Variants in ZFAND3 observed in about 807,000 individuals in gnomAD.
The protein encoded by ZFAND3 is AN1-type zinc finger protein 3.
Under a neutral mutation model 29.6 loss-of-function variants are expected in ZFAND3, and 10 were observed. The ratio of observed to expected loss-of-function variants is 0.34; its 90% CI spans 0.21 to 0.57. The LOEUF is 0.57. ZFAND3 is among the 20% of genes least tolerant of loss of function. The probability of loss-of-function intolerance (pLI) is 0.86; values close to 1 mark genes in which losing one functional copy is unlikely to be tolerated. For synonymous variants in ZFAND3, 128 were observed against 112.6 expected (o/e 1.14, Z -0.87); for missense variants, 230 against 304.5 (o/e 0.76, Z 1.82).
At chr6:38,078,037 C>A (rs950465536) in intron 3 of ZFAND3, among the ~76,000 whole-genome samples, 4 of 152,132 alleles carry the variant, frequency 2.6e-5, no homozygotes, top group Non-Finnish European at 4.4e-5. Context: ...TCTGTTTTTG[C>A]AGGTTACAGT....
intron 1 of ZFAND3, among the ~76,000 whole-genome samples, chr6:37,918,746 G>A (rs1167406453): frequency 6.6e-6 from 1 of 152,044 alleles, no homozygotes; most frequent in Non-Finnish European, 1.5e-5. Flanking sequence ...TTGGGAAAAA[G>A]TACTCTGAGC....
At chr6:37,929,120 G>A (rs983420562) in intron 1 of ZFAND3, among the ~76,000 whole-genome samples, 8 of 152,148 alleles carry the variant, frequency 5.3e-5, no homozygotes, top group Non-Finnish European at 1.2e-4. Flanking sequence ...TTTATATCCT[G>A]CTCAAGGTCA....
chr6:38,001,821 A>G (rs894235162), intron 2 of ZFAND3, among the ~76,000 whole-genome samples: 4 of 152,030 alleles, frequency 2.6e-5, no homozygotes, highest in African/African-American at 9.7e-5. Flanking sequence ...AGTAAAGGCA[A>G]CTCCTTTGTC....
At chr6:37,892,227 AAAC>A (rs1340061425) in intron 1 of ZFAND3, among the ~76,000 whole-genome samples, 1 of 152,228 alleles carries the variant, frequency 6.6e-6, no homozygotes, top group Non-Finnish European at 1.5e-5. Flanking sequence ...GCATACTCTT[AAAC>A]AATTAGCTGG....
chr6:37,846,510 G>A (rs1764179598), intron 1 of ZFAND3, among the ~76,000 whole-genome samples: 1 of 152,120 alleles, frequency 6.6e-6, no homozygotes, highest in African/African-American at 2.4e-5. Context: ...TATTTCTGTA[G>A]CACTATGTAG....
In ZFAND3 at chr6:37,859,285, A is replaced by G. The variant is rs560583023; in HGVS notation, c.71+39269A>G. ...GAAAATTTATGTTTAGATTCTATCC[A>G]TCTCATTGATTCTTTCTATTAAAGA... On this transcript the variant is annotated intron_variant, in intron 1 of 5. Coordinates refer to ENST00000287218, the MANE Select transcript of ZFAND3 (RefSeq NM_021943.3). Among the ~76,000 whole-genome samples, 3 of 152,312 alleles carry G rather than the reference A, an allele frequency of 2.0e-5. No homozygotes were observed. The South Asian group carries it at 6.2e-4, about 32-fold the overall frequency.
intron 1 of ZFAND3, among the ~76,000 whole-genome samples, chr6:37,829,703 A>T (rs1763824746): frequency 6.6e-6 from 1 of 152,178 alleles, no homozygotes; most frequent in African/African-American, 2.4e-5. Flanking sequence ...GTCACTGTTA[A>T]CTAGCTCACC....
intron 2 of ZFAND3, among the ~76,000 whole-genome samples, chr6:38,020,091 C>T (rs1176096006): frequency 6.6e-6 from 1 of 152,178 alleles, no homozygotes. Flanking sequence ...ATGGCATAGA[C>T]TGTAGATCCA....
chr6:37,952,820 G>T (rs1699507290), intron 2 of ZFAND3, among the ~76,000 whole-genome samples: 1 of 151,434 alleles, frequency 6.6e-6, no homozygotes, highest in South Asian at 2.1e-4. Flanking sequence ...TTCTCCTCTA[G>T]CCCAGAGTCT....
At chr6:38,052,412 A>G (rs146407131) in intron 2 of ZFAND3, among the ~76,000 whole-genome samples, 3 of 152,324 alleles carry the variant, frequency 2.0e-5, no homozygotes, top group East Asian at 3.9e-4. Context: ...CTTGCTTCCT[A>G]TAAATACATT....
At chr6:37,858,626 A>G (rs1764425945) in intron 1 of ZFAND3, among the ~76,000 whole-genome samples, 1 of 152,196 alleles carries the variant, frequency 6.6e-6, no homozygotes. Context: ...ACTATAAAAC[A>G]CATCCTGTTA....
intron 3 of ZFAND3, among the ~76,000 whole-genome samples, chr6:38,068,061 T>C (rs1013462819): frequency 6.6e-6 from 1 of 152,206 alleles, no homozygotes; most frequent in Non-Finnish European, 1.5e-5. Flanking sequence ...TATTCTAAAC[T>C]AGCAGTTAGA....
chr6:38,076,492 A>C (rs901155622), intron 3 of ZFAND3, among the ~76,000 whole-genome samples: 15 of 152,166 alleles, frequency 9.9e-5, no homozygotes, highest in African/African-American at 3.1e-4. Context: ...AAAATAGATA[A>C]GCTACCAATT....
At chr6:38,092,903 A>G (rs545951504) in intron 4 of ZFAND3, among the ~76,000 whole-genome samples, 1 of 152,254 alleles carries the variant, frequency 6.6e-6, no homozygotes, top group South Asian at 2.1e-4. Flanking sequence ...ACACATCTTT[A>G]TGTGTAGTAC....
At chr6:38,135,764 A>C (rs1411725117) in intron 5 of ZFAND3, among the ~76,000 whole-genome samples, 3 of 131,680 alleles carry the variant, frequency 2.3e-5, no homozygotes, top group Non-Finnish European at 3.5e-5. Context: ...AAAAACAAAC[A>C]AAAAAAACAC....
At chr6:37,853,347 T>G (rs916325406) in intron 1 of ZFAND3, among the ~76,000 whole-genome samples, 5 of 146,296 alleles carry the variant, frequency 3.4e-5, no homozygotes, top group Admixed American at 1.4e-4. Context: ...CTTAGAGGGG[T>G]GTTGAAAGAT....
intron 5 of ZFAND3, among the ~76,000 whole-genome samples, chr6:38,129,941 C>A (rs56121440): frequency 0.03 from 4,488 of 152,050 alleles, 169 homozygotes; most frequent in African/African-American, 0.085. Flanking sequence ...TTGATTCTAC[C>A]CATCCATGAG....
intron 1 of ZFAND3, among the ~76,000 whole-genome samples, chr6:37,876,278 G>A (rs1239569595): frequency 6.6e-6 from 1 of 152,124 alleles, no homozygotes; most frequent in East Asian, 1.9e-4. Flanking sequence ...AATCCCGTAG[G>A]CATTGATTTG....
intron 1 of ZFAND3, among the ~76,000 whole-genome samples, chr6:37,863,850 C>G (rs1764538239): frequency 6.6e-6 from 1 of 152,130 alleles, no homozygotes; most frequent in Non-Finnish European, 1.5e-5. Context: ...CGCTAAGCTC[C>G]ATGAGGGCAG....
Sources: gnomAD v4.1 joint callset for allele counts (sites outside exome capture counted in the v4.1 genomes callset) on GRCh38, gnomAD v4.1.1 for gene constraint, MANE v1.5 for transcripts, NCBI Gene and HGNC (gene_info 2026-07-23, HGNC 2026-07-21) for gene names.